The following VWF variants were observed in gnomAD, a reference collection of about 807,000 sequenced individuals.
VWF encodes von Willebrand factor, also known as Factor VIII related antigen.
In VWF, 176 loss-of-function variants were observed where a neutral mutation model predicts 308.6. The observed-to-expected ratio is 0.57, with a 90% CI of 0.50 to 0.65. The LOEUF (loss-of-function observed/expected upper bound fraction) is 0.65, where lower values mean the gene tolerates loss of function less well. Among genes scored for constraint, VWF ranks in the 30% least tolerant of loss-of-function variants. The pLI is 0.00. For missense variants in VWF, 3,146 were observed against 3,648.2 expected (o/e 0.86, Z 3.55); for synonymous variants, 1,385 against 1,443.4 (o/e 0.96, Z 0.92).
chr12:6,047,741 CGT>C (rs1944461884), intron 16 of VWF, among the ~76,000 whole-genome samples: 1 of 152,272 alleles, frequency 6.6e-6, no homozygotes, highest in East Asian at 1.9e-4. Flanking sequence ...CATCGAGCAC[CGT>C]GTTTGTAAGA....
intron 8 of VWF, 62 bp from the exon 9 acceptor site, chr12:6,072,504 C>T: frequency 7.4e-7 from 1 of 1,342,972 alleles, no homozygotes; most frequent in Non-Finnish European, 1.1e-6. Context: ...CATCCCACAA[C>T]TATAGAATCC....
intron 42 of VWF, among the ~76,000 whole-genome samples, chr12:5,977,873 C>A (rs144524532): frequency 1.2e-3 from 173 of 147,502 alleles, no homozygotes; most frequent in East Asian, 3.3e-3. Context: ...CTATCTCTCT[C>A]TCTATATATA....
At chr12:6,073,881 C>A (rs544593764) in intron 7 of VWF, 140 bp from the exon 8 acceptor site, 53 of 1,331,986 alleles carry the variant, frequency 4.0e-5, no homozygotes, top group Non-Finnish European at 5.5e-5. Flanking sequence ...CTTCTCACCC[C>A]CAGTGAGCCA....
At position 6,018,789 on chromosome 12, in the gene VWF, G is replaced by C. The variant is rs940143591; in HGVS notation, c.4629C>G (p.Ser1543=). 1.2e-6 allele frequency: 2 copies of C among 1,613,764 alleles called. No individual in the cohort carries two copies. Among genetic ancestry groups the C allele is most frequent in the Non-Finnish European group, 1.7e-6 (2 of 1,179,896 alleles). The change falls in exon 28 of 52, where the codon TCC becomes TCG. Residue 1543 remains serine (S), a synonymous_variant. Transcript: ENST00000261405. Reference sequence around the variant, plus strand: ...AGGGGTACTCCACAGTCACCATGTAGGAGTACTGCAGCACCGTGACGTGGA... The same window carrying C: ...AGGGGTACTCCACAGTCACCATGTACGAGTACTGCAGCACCGTGACGTGGA... ...DSIHVTVLQY[S]YMVTVEYPFS...
chr12:6,118,633 C>A (rs1945395761), intron 3 of VWF, among the ~76,000 whole-genome samples: 1 of 151,990 alleles, frequency 6.6e-6, no homozygotes, highest in African/African-American at 2.4e-5. Flanking sequence ...GTGATCCGCC[C>A]CCCTCGGCCT....
chr12:6,111,844 G>A lies in VWF; in HGVS notation c.221-876C>T, dbSNP rs1220513528. 1.1e-4 allele frequency among the ~76,000 whole-genome samples: 17 copies of A among 152,256 alleles called. 1 individual carries two copies. The East Asian group carries it at 3.3e-3, about 29-fold the overall frequency. On this transcript the variant is annotated intron_variant, in intron 3 of 51. Transcript: ENST00000261405. Reference sequence around the variant, plus strand: ...GAGGTGGCTGGCGTCTGTGGTCCCAGTTCTTTGGGAGGCTGAGGCAGAAGA... The same window carrying A: ...GAGGTGGCTGGCGTCTGTGGTCCCAATTCTTTGGGAGGCTGAGGCAGAAGA...
At chr12:6,035,517 A>C (rs1944325968) in intron 19 of VWF, among the ~76,000 whole-genome samples, 1 of 152,122 alleles carries the variant, frequency 6.6e-6, no homozygotes, top group South Asian at 2.1e-4. Context: ...GCCTCTTTCC[A>C]AGGCTGTGCA....
chr12:6,075,661 G>T lies in VWF; in HGVS notation c.658-110C>A. On this transcript the variant is annotated intron_variant, in intron 6 of 51. Coordinates refer to ENST00000261405, the MANE Select transcript of VWF (RefSeq NM_000552.5). This position sits in a 1 kb window ranked among gnomAD's most constrained non-coding sequence, Gnocchi z 4.7. ...CCAAGGCAGCTCCCTCAGCACCTGG[G>T]ACAGGCTGGCACCAAGCACATGCAT... The T allele has an allele frequency of 8.2e-7, 1 of 1,215,502 alleles. No individual in the cohort carries two copies. The highest frequency in any genetic ancestry group is 2.5e-5 in the East Asian group (1 of 39,340). The allele number at this position is 1,215,502 out of a possible 1,614,324, so 75.3% of individuals were successfully genotyped here.
chr12:6,016,269 G>A (rs776907516), intron 30 of VWF, 37 bp from the exon 31 acceptor site: 3 of 1,614,126 alleles, frequency 1.9e-6, no homozygotes, highest in Middle Eastern at 3.3e-4. Context: ...AGTCAGTACT[G>A]ACTGCGGCTC....
At chr12:6,105,931 T>A (rs1945238878) in intron 5 of VWF, among the ~76,000 whole-genome samples, 1 of 151,914 alleles carries the variant, frequency 6.6e-6, no homozygotes, top group South Asian at 2.1e-4. Context: ...TAGTCCCAGC[T>A]ACTCAGGAGG....
chr12:6,016,928 G>T, intron 28 of VWF, 58 bp from the exon 29 acceptor site: 1 of 1,561,132 alleles, frequency 6.4e-7, no homozygotes, highest in Non-Finnish European at 8.8e-7. Context: ...ATGGCCACCA[G>T]GCCTACAACC....
intron 6 of VWF, among the ~76,000 whole-genome samples, chr12:6,093,602 G>A (rs1450165236): frequency 6.6e-6 from 1 of 152,214 alleles, no homozygotes; most frequent in Non-Finnish European, 1.5e-5. Context: ...CTCCTCAGAT[G>A]ATGAGTCTCT....
intron 6 of VWF, among the ~76,000 whole-genome samples, chr12:6,092,083 G>A (rs1027941510): frequency 3.3e-5 from 5 of 152,086 alleles, no homozygotes; most frequent in African/African-American, 9.7e-5. Context: ...ATGGTCCTGG[G>A]TATAGGCAGG....
intron 6 of VWF, among the ~76,000 whole-genome samples, chr12:6,077,883 C>G (rs1333534210): frequency 6.6e-6 from 1 of 152,218 alleles, no homozygotes; most frequent in East Asian, 1.9e-4. Context: ...CCAGATTCAG[C>G]CCAGCGTCTT....
chr12:6,105,968 G>A (rs766824881), intron 5 of VWF, among the ~76,000 whole-genome samples: 3 of 152,108 alleles, frequency 2.0e-5, no homozygotes, highest in East Asian at 1.9e-4. Context: ...ACTTGAACCC[G>A]GGAGGTGGAG....
chr12:6,036,512 A>C (rs1944338933), intron 18 of VWF, 21 bp from the exon 19 acceptor site: 1 of 1,610,726 alleles, frequency 6.2e-7, no homozygotes, highest in Admixed American at 1.7e-5. Context: ...AGAATCCAAA[A>C]GTCCTCAGGG....
intron 6 of VWF, among the ~76,000 whole-genome samples, chr12:6,076,912 C>T (rs1944851186): frequency 6.6e-6 from 1 of 152,174 alleles, no homozygotes; most frequent in African/African-American, 2.4e-5. Context: ...AAATCCAGTC[C>T]GGCAGCACAG....
chr12:5,966,100 C>A (rs894584322), intron 47 of VWF, among the ~76,000 whole-genome samples: 1 of 152,178 alleles, frequency 6.6e-6, no homozygotes, highest in Non-Finnish European at 1.5e-5. Context: ...CTCCAGAGAG[C>A]AGGCTGCAGT....
chr12:6,112,827 GACACAC>G (rs58457258), intron 3 of VWF, among the ~76,000 whole-genome samples: 12,054 of 145,086 alleles, frequency 0.083, 1,393 homozygotes, highest in African/African-American at 0.26. Flanking sequence ...CAGACACACA[GACACAC>G]ACACACACAC....
Sources: allele counts gnomAD v4.1 joint callset (sites outside exome capture counted in the v4.1 genomes callset), GRCh38; gene constraint gnomAD v4.1.1; non-coding constraint Gnocchi (gnomAD v3.1); transcripts MANE v1.5; gene names NCBI Gene and HGNC (gene_info 2026-07-23, HGNC 2026-07-21).